PTPRT: variants seen among roughly 807,000 people sequenced by gnomAD.
PTPRT encodes receptor-type tyrosine-protein phosphatase T.
In PTPRT, 56 loss-of-function variants were observed where a neutral mutation model predicts 176.8. The observed-to-expected ratio is 0.32, with a 90% confidence interval of 0.26 to 0.40. The LOEUF is 0.40. Among genes scored for constraint, PTPRT ranks in the 10% least tolerant of loss-of-function variants. The probability of loss-of-function intolerance (pLI) is 1.00; values close to 1 mark genes in which losing one functional copy is unlikely to be tolerated. For missense variants in PTPRT, 1,540 were observed against 1,908.2 expected (o/e 0.81, Z 3.60); for synonymous variants, 783 against 739.0 (o/e 1.06, Z -0.96).
intron 1 of PTPRT, among the ~76,000 whole-genome samples, chr20:43,144,094 C>T (rs1234816309): frequency 6.6e-6 from 1 of 152,184 alleles, no homozygotes; most frequent in Non-Finnish European, 1.5e-5. Context: ...CGGCCCTTCT[C>T]AATGCACAGA....
chr20:43,171,354 C>T (rs899222267), intron 1 of PTPRT, among the ~76,000 whole-genome samples: 15 of 152,022 alleles, frequency 9.9e-5, no homozygotes, highest in African/African-American at 3.6e-4. Flanking sequence ...GTAGGAATTG[C>T]GCTAGGCATG....
intron 1 of PTPRT, among the ~76,000 whole-genome samples, chr20:42,990,750 C>A (rs906222488): frequency 2.0e-5 from 3 of 152,092 alleles, no homozygotes; most frequent in African/African-American, 7.2e-5. Context: ...AAGTCAAAAT[C>A]TTATTTTTCT....
chr20:42,342,100 A>T (rs2058120476), intron 11 of PTPRT, among the ~76,000 whole-genome samples: 1 of 152,202 alleles, frequency 6.6e-6, no homozygotes, highest in Non-Finnish European at 1.5e-5. Flanking sequence ...TTTCCTGAAC[A>T]ATCATCTAAT....
intron 27 of PTPRT, among the ~76,000 whole-genome samples, chr20:42,091,641 G>A (rs1600485319): frequency 6.6e-6 from 1 of 152,300 alleles, no homozygotes; most frequent in East Asian, 1.9e-4. Context: ...TTCCTGAATT[G>A]CTTTTAAAAT....
intron 7 of PTPRT, among the ~76,000 whole-genome samples, chr20:42,592,897 G>C (rs2073605254): frequency 6.6e-6 from 1 of 152,158 alleles, no homozygotes; most frequent in African/African-American, 2.4e-5. Flanking sequence ...TGTATCCTTT[G>C]TCAGTGAAAG....
intron 7 of PTPRT, among the ~76,000 whole-genome samples, chr20:42,516,885 G>A (rs558076038): frequency 2.0e-5 from 3 of 152,124 alleles, no homozygotes; most frequent in East Asian, 1.9e-4. Context: ...GAATGAATTC[G>A]CCTTAGTCAT....
At chr20:42,983,821 T>C (rs148940028) in intron 1 of PTPRT, among the ~76,000 whole-genome samples, 1 of 152,342 alleles carries the variant, frequency 6.6e-6, no homozygotes, top group Non-Finnish European at 1.5e-5. Context: ...GTATAGGCCT[T>C]ATTCCATTTT....
intron 6 of PTPRT, among the ~76,000 whole-genome samples, chr20:42,716,257 G>A (rs998328737): frequency 6.6e-6 from 1 of 152,130 alleles, no homozygotes; most frequent in Admixed American, 6.5e-5. Flanking sequence ...ATTGCAGAGG[G>A]TATATACCCA....
chr20:42,320,331 G>A (rs1487308455), intron 11 of PTPRT, among the ~76,000 whole-genome samples: 9 of 152,090 alleles, frequency 5.9e-5, no homozygotes, highest in African/African-American at 1.2e-4. Flanking sequence ...TGAGATTCTC[G>A]GACCAGATTC....
At chr20:42,627,853 C>T (rs928410707) in intron 7 of PTPRT, among the ~76,000 whole-genome samples, 1 of 151,938 alleles carries the variant, frequency 6.6e-6, no homozygotes, top group African/African-American at 2.4e-5. Flanking sequence ...CAGTGTGAGC[C>T]GCTGCAGTTT....
At position 42,639,254 on chromosome 20, in the gene PTPRT, G is replaced by A. The variant is rs137912030; in HGVS notation, c.1153+38612C>T. Among the ~76,000 whole-genome samples, 441 of 152,166 alleles carry A rather than the reference G, an allele frequency of 2.9e-3. 4 individuals are homozygous for A. The highest frequency in any genetic ancestry group is 9.8e-3 in the African/African-American group (405 of 41,514). On this transcript the variant is annotated intron_variant, in intron 7 of 30. Coordinates refer to ENST00000373187, the MANE Select transcript of PTPRT (RefSeq NM_007050.6). ...TTTTTAAATAAGCTAAGAAATAATA[G>A]AACAAGGAACACTGGTAGTCACTTG...
At position 43,016,552 on chromosome 20, in the gene PTPRT, C is replaced by CTTT. The variant is rs11482189; in HGVS notation, c.89-130623_89-130621dup. 1.1e-3 allele frequency among the ~76,000 whole-genome samples: 83 copies of CTTT among 76,236 alleles called. 7 individuals are homozygous for CTTT. Among genetic ancestry groups the CTTT allele is most frequent in the Middle Eastern group, 8.6e-3 (1 of 116 alleles). 50.0% of individuals were successfully genotyped at this position (76,236 alleles called of 152,430 possible). On this transcript the variant is annotated intron_variant, in intron 1 of 30. Coordinates refer to ENST00000373187, the MANE Select transcript of PTPRT (RefSeq NM_007050.6). ...CATTTCTCTAACTGCTCTAAGGCCA[C>CTTT]TTTTTTTTTTTTTTTTTTTTTTTTT...
intron 6 of PTPRT, among the ~76,000 whole-genome samples, chr20:42,713,724 G>T (rs1600650866): frequency 6.6e-6 from 1 of 152,238 alleles, no homozygotes; most frequent in East Asian, 1.9e-4. Flanking sequence ...CATGGGAGCG[G>T]ATTTCTCACA....
rs148963891 is a variant in PTPRT at position 42,281,913 on chromosome 20, A to G, written c.2176+576T>C. ...AATAAACAGAAACATGTACCAACTG[A>G]AAGAGCCAGGCAATTCAATTATAAT... On this transcript the variant is annotated intron_variant, in intron 13 of 30. Coordinates refer to ENST00000373187, the MANE Select transcript of PTPRT (RefSeq NM_007050.6). 7.3e-4 allele frequency among the ~76,000 whole-genome samples: 111 copies of G among 152,348 alleles called. 1 individual carries two copies. The highest frequency in any genetic ancestry group is 2.6e-3 in the African/African-American group (107 of 41,584).
At chr20:42,326,897 T>G (rs1338990584) in intron 11 of PTPRT, among the ~76,000 whole-genome samples, 1 of 151,806 alleles carries the variant, frequency 6.6e-6, no homozygotes, top group African/African-American at 2.4e-5. Context: ...ATGGCCATAA[T>G]TTGACAATTC....
At chr20:42,208,399 T>C (rs1333615640) in intron 15 of PTPRT, among the ~76,000 whole-genome samples, 1 of 151,496 alleles carries the variant, frequency 6.6e-6, no homozygotes, top group Admixed American at 6.6e-5. Flanking sequence ...AGGAAACCCA[T>C]CTCACGTGCA....
intron 1 of PTPRT, among the ~76,000 whole-genome samples, chr20:42,905,415 C>T (rs982692585): frequency 6.6e-6 from 1 of 152,164 alleles, no homozygotes; most frequent in Non-Finnish European, 1.5e-5. Flanking sequence ...AGTCGGGAAA[C>T]AACAGATGCC....
At chr20:42,957,175 T>C (rs1261210124) in intron 1 of PTPRT, among the ~76,000 whole-genome samples, 1 of 151,962 alleles carries the variant, frequency 6.6e-6, no homozygotes, top group Non-Finnish European at 1.5e-5. Flanking sequence ...TAGGGAAAAA[T>C]CGAAACCTAG....
At chr20:43,043,507 T>C (rs528441327) in intron 1 of PTPRT, among the ~76,000 whole-genome samples, 1 of 152,316 alleles carries the variant, frequency 6.6e-6, no homozygotes, top group Non-Finnish European at 1.5e-5. Flanking sequence ...TGAGGAAGAT[T>C]TGAATGTTGA....
Sources: gnomAD v4.1 joint callset for allele counts (sites outside exome capture counted in the v4.1 genomes callset) on GRCh38, gnomAD v4.1.1 for gene constraint, MANE v1.5 for transcripts, NCBI Gene and HGNC (gene_info 2026-07-23, HGNC 2026-07-21) for gene names.